Variants in SNX31 observed in about 807,000 individuals in gnomAD.
SNX31 encodes sorting nexin-31.
Under a neutral mutation model 65.4 loss-of-function variants are expected in SNX31, and 58 were observed. The observed-to-expected ratio is 0.89, with a 90% CI of 0.72 to 1.10. The LOEUF (loss-of-function observed/expected upper bound fraction) is 1.10, where lower values mean the gene tolerates loss of function less well. Ranked by LOEUF, SNX31 falls within the 50% of genes least tolerant of loss-of-function variation. SNX31 has a pLI of 0.00. For missense variants in SNX31, 523 were observed against 529.7 expected (o/e 0.99, Z 0.12); for synonymous variants, 181 against 190.1 (o/e 0.95, Z 0.39).
chr8:100,643,090 C>T (rs1819373691), intron 2 of SNX31, among the ~76,000 whole-genome samples: 2 of 129,914 alleles, frequency 1.5e-5, no homozygotes, highest in South Asian at 5.0e-4. Context: ...ACCCGGGAGG[C>T]TGAGGCAGGA....
At chr8:100,620,463 C>T (rs1444351278) in intron 4 of SNX31, among the ~76,000 whole-genome samples, 1 of 152,142 alleles carries the variant, frequency 6.6e-6, no homozygotes, top group Non-Finnish European at 1.5e-5. Flanking sequence ...TTAATTCCTC[C>T]CCACCACATG....
chr8:100,641,565 A>AAAAAAAAAAAAAAAT (rs1554587369), intron 2 of SNX31, among the ~76,000 whole-genome samples: 5 of 32,106 alleles, frequency 1.6e-4, no homozygotes, highest in African/African-American at 5.4e-4. Flanking sequence ...AAAAAAAAAA[A>AAAAAAAAAAAAAAAT]ATATATATAT....
chr8:100,629,736 G>A lies in SNX31; in HGVS notation c.321+591C>T, dbSNP rs112122672. Among the ~76,000 whole-genome samples, 1,635 of 152,276 alleles carry A rather than the reference G, an allele frequency of 0.011. 12 individuals are homozygous for A. Among genetic ancestry groups the A allele is most frequent in the Middle Eastern group, 0.02 (6 of 294 alleles). ...TATGTGTCATTAGAATGAGTGTTGT[G>A]CTAAACAAACGTACTTAGCAGTTTC... On this transcript the variant is annotated intron_variant, in intron 4 of 13. Transcript: ENST00000311812. This position sits in a 1 kb window ranked among gnomAD's most constrained non-coding sequence, Gnocchi z 5.1.
At chr8:100,656,492 T>C (rs903149774) in intron 1 of SNX31, among the ~76,000 whole-genome samples, 1 of 151,504 alleles carries the variant, frequency 6.6e-6, no homozygotes, top group Non-Finnish European at 1.5e-5. Context: ...AATACAAAAA[T>C]TAGCCAGGCG....
Position 100,578,352 on chromosome 8 carries a change from G to A in SNX31, c.1171-1277C>T, listed in dbSNP as rs892279302. Among the ~76,000 whole-genome samples, 28 of 152,272 alleles carry A rather than the reference G, an allele frequency of 1.8e-4. No homozygotes were observed. Among genetic ancestry groups the A allele is most frequent in the South Asian group, 8.3e-4 (4 of 4,824 alleles). On this transcript the variant is annotated intron_variant, in intron 12 of 13. Coordinates refer to ENST00000311812, the MANE Select transcript of SNX31 (RefSeq NM_152628.4). This position sits in a 1 kb window ranked among gnomAD's most constrained non-coding sequence, Gnocchi z 4.7. The stretch of plus-strand genomic sequence containing the variant: ...ATTTATTTACCCTACAATTGTCAAC[G>A]TCTCTGTATTAATCGCCTTTCTCCT...
intron 8 of SNX31, among the ~76,000 whole-genome samples, chr8:100,605,280 G>T (rs992258931): frequency 6.6e-6 from 1 of 152,146 alleles, no homozygotes; most frequent in Non-Finnish European, 1.5e-5. Flanking sequence ...TTCAGAGTCT[G>T]GTTGGGAGAA....
chr8:100,577,195 G>A (rs577408735), intron 12 of SNX31, 120 bp from the exon 13 acceptor site: 8 of 793,170 alleles, frequency 1.0e-5, no homozygotes, highest in East Asian at 2.6e-5. Flanking sequence ...AAAGGCTGCC[G>A]GTCAGCAGGT....
At chr8:100,632,772 TA>T (rs144681852) in intron 3 of SNX31, among the ~76,000 whole-genome samples, 4 of 151,362 alleles carry the variant, frequency 2.6e-5, no homozygotes, top group Non-Finnish European at 5.9e-5. Flanking sequence ...ACACTGACTC[TA>T]AAAAAAATAC....
Position 100,628,484 on chromosome 8 carries a change from G to A in SNX31, c.321+1843C>T, listed in dbSNP as rs534598629. On this transcript the variant is annotated intron_variant, in intron 4 of 13. Transcript: ENST00000311812. ...AAACCATCATTCTCAGCAAACTATC[G>A]CAAGGACAAAAAAACAAACACCGCA... is the stretch of plus-strand genomic sequence containing the variant. Among the ~76,000 whole-genome samples the A allele has an allele frequency of 5.4e-4, 81 of 151,270 alleles. No homozygotes were observed. The South Asian group carries it at 0.017, about 32-fold the overall frequency.
intron 12 of SNX31, among the ~76,000 whole-genome samples, chr8:100,581,319 C>CTATATATATATATATATATATATATA (rs1261112864): frequency 2.4e-5 from 3 of 123,074 alleles, no homozygotes; most frequent in African/African-American, 1.2e-4. Context: ...TTTTATATAT[C>CTATATATATATATATATATATATATA]TATATCTATC....
Position 100,625,516 on chromosome 8 carries a change from C to G in SNX31, c.321+4811G>C, listed in dbSNP as rs1180197990. Among the ~76,000 whole-genome samples, 2 of 152,118 alleles carry G rather than the reference C, an allele frequency of 1.3e-5. No individual in the cohort carries two copies. Among genetic ancestry groups the G allele is most frequent in the Admixed American group, 6.5e-5 (1 of 15,284 alleles). On this transcript the variant is annotated intron_variant, in intron 4 of 13. Transcript: ENST00000311812. The surrounding 1 kb of genome is among the most constrained non-coding windows in gnomAD (Gnocchi z 4.2). ...TCAACTCAATTCAACTCAAAAAGAG[C>G]ACATATTTTGAAAAGTGTTAAGGTT...
chr8:100,636,074 C>T lies in SNX31; in HGVS notation c.142-63G>A, dbSNP rs907314910. On this transcript the variant is annotated intron_variant, in intron 2 of 13. Coordinates refer to ENST00000311812, the MANE Select transcript of SNX31 (RefSeq NM_152628.4). ...CGCCAGTTCAGGGTTGATGAGATTA[C>T]TAAAGTCTCCTTTAGGGCAAGTCCC... 9.8e-6 allele frequency: 12 copies of T among 1,229,408 alleles called. No homozygotes were observed. In the East Asian group the frequency reaches 2.8e-4, roughly 29 times the overall value. The allele number at this position is 1,229,408 out of a possible 1,614,324, so 76.2% of individuals were successfully genotyped here.
At chr8:100,598,332 T>A (rs968083398) in intron 9 of SNX31, among the ~76,000 whole-genome samples, 7 of 152,194 alleles carry the variant, frequency 4.6e-5, no homozygotes, top group African/African-American at 1.7e-4. Flanking sequence ...AGCTGAGTCA[T>A]CTTGTCACAG....
At chr8:100,580,156 T>TAAAAA (rs10608114) in intron 12 of SNX31, among the ~76,000 whole-genome samples, 2 of 124,488 alleles carry the variant, frequency 1.6e-5, no homozygotes. Flanking sequence ...AGCCTGTCTT[T>TAAAAA]AAAAAAAAAA....
chr8:100,591,683 C>T (rs2469659), intron 10 of SNX31, among the ~76,000 whole-genome samples: 66,524 of 151,308 alleles, frequency 0.44, 16,685 homozygotes, highest in African/African-American at 0.68. Flanking sequence ...AAATGAAAAT[C>T]AGCTGGGCAT....
At position 100,578,683 on chromosome 8, in the gene SNX31, T is replaced by TA. The variant is rs1333701997; in HGVS notation, c.1171-1609_1171-1608insT. Among the ~76,000 whole-genome samples the TA allele has an allele frequency of 2.0e-5, 3 of 149,266 alleles. No individual in the cohort carries two copies. Among genetic ancestry groups the TA allele is most frequent in the African/African-American group, 5.0e-5 (2 of 39,834 alleles). ...CACATATTTAAGCCTATTTCAATGA[T>TA]TTTTTATTTTATTTTATTTTATTTT... On this transcript the variant is annotated intron_variant, in intron 12 of 13. Coordinates refer to ENST00000311812, the MANE Select transcript of SNX31 (RefSeq NM_152628.4). This position sits in a 1 kb window ranked among gnomAD's most constrained non-coding sequence, Gnocchi z 4.7.
At chr8:100,608,308 A>G (rs1353732667) in intron 8 of SNX31, among the ~76,000 whole-genome samples, 186 bp downstream of exon 8, 2 of 145,156 alleles carry the variant, frequency 1.4e-5, no homozygotes, top group Non-Finnish European at 3.0e-5. Flanking sequence ...GTACCCATCA[A>G]ACAATAACAA....
rs1188603612 is a variant in SNX31, at chr8:100,648,320, C to T, written c.141+954G>A. Among the ~76,000 whole-genome samples the T allele has an allele frequency of 8.5e-6, 1 of 117,042 alleles. No individual in the cohort carries two copies. The highest frequency in any genetic ancestry group is 1.7e-5 in the Non-Finnish European group (1 of 58,878). 76.8% of individuals were successfully genotyped at this position (117,042 alleles called of 152,430 possible). A position where few individuals can be genotyped will look rare whatever the true frequency, so the allele number is the denominator to read the frequency against. ...GGGAAAGTTTTTTCAGTTTTCTCTA[C>T]ACTTTTTTTTTTTTTTTTTTTAATA... On this transcript the variant is annotated intron_variant, in intron 2 of 13. Coordinates refer to ENST00000311812, the MANE Select transcript of SNX31 (RefSeq NM_152628.4). The surrounding 1 kb of genome is among the most constrained non-coding windows in gnomAD (Gnocchi z 4.3).
chr8:100,662,156 T>C (rs1194883534), intron 1 of SNX31, among the ~76,000 whole-genome samples: 1 of 152,184 alleles, frequency 6.6e-6, no homozygotes, highest in Admixed American at 6.5e-5. Flanking sequence ...TGACATGTAG[T>C]AGGTACTCTT....
Sources: gnomAD v4.1 joint callset for allele counts (sites outside exome capture counted in the v4.1 genomes callset) on GRCh38, gnomAD v4.1.1 for gene constraint, Gnocchi (gnomAD v3.1) non-coding constraint, MANE v1.5 for transcripts, NCBI Gene and HGNC (gene_info 2026-07-23, HGNC 2026-07-21) for gene names.